SLC14A2: variants seen among roughly 807,000 people sequenced by gnomAD.
SLC14A2 encodes solute carrier family 14 member 2.
A neutral mutation model predicts 104.6 loss-of-function variants in SLC14A2; 91 were observed. The ratio of observed to expected loss-of-function variants is 0.87; its 90% confidence interval spans 0.73 to 1.04. The LOEUF (loss-of-function observed/expected upper bound fraction) is 1.04. SLC14A2 is among the 50% of genes least tolerant of loss of function. The probability of loss-of-function intolerance (pLI) is 0.00; values close to 1 mark genes in which losing one functional copy is unlikely to be tolerated. For synonymous variants in SLC14A2, 476 were observed against 466.4 expected, an observed-to-expected ratio of 1.02 and a Z score of -0.27; for missense variants, 1,189 against 1,156.0, an observed-to-expected ratio of 1.03 and a Z score of -0.41.
intron 2 of SLC14A2, among the ~76,000 whole-genome samples, chr18:45,576,091 T>C (rs1214996020): frequency 6.6e-6 from 1 of 152,104 alleles, no homozygotes; most frequent in East Asian, 1.9e-4. Context: ...ACTCTAATCA[T>C]CTCTCCTGTT....
chr18:45,387,195 T>C (rs2085906872), intron 1 of SLC14A2, among the ~76,000 whole-genome samples: 1 of 152,234 alleles, frequency 6.6e-6, no homozygotes, highest in Non-Finnish European at 1.5e-5. Context: ...TATGGCCATC[T>C]CTTTTTTCTG....
the SLC14A2 span, among the ~76,000 whole-genome samples, chr18:45,192,570 G>A: frequency 6.6e-6 from 1 of 151,780 alleles, no homozygotes; most frequent in Non-Finnish European, 1.5e-5. Context: ...CCAATACTTG[G>A]TATGGTAAGT....
chr18:45,646,459 A>T (rs2045629201), intron 10 of SLC14A2: 1 of 152,228 alleles, frequency 6.6e-6, no homozygotes, highest in Non-Finnish European at 1.5e-5. Flanking sequence ...CCAGAACCAG[A>T]GACCCCACTC....
intron 2 of SLC14A2, among the ~76,000 whole-genome samples, chr18:45,551,413 C>T (rs72904421): frequency 0.099 from 15,141 of 152,292 alleles, 871 homozygotes; most frequent in Non-Finnish European, 0.13. Context: ...CTGCAGCAGA[C>T]TGGGGGCCAA....
At chr18:45,569,894 C>G (rs2044322010) in intron 2 of SLC14A2, among the ~76,000 whole-genome samples, 1 of 152,108 alleles carries the variant, frequency 6.6e-6, no homozygotes, top group Non-Finnish European at 1.5e-5. Flanking sequence ...TGCAGCCTAC[C>G]CCCCTTCATT....
chr18:45,178,874 T>C, the SLC14A2 span, among the ~76,000 whole-genome samples: 1 of 152,192 alleles, frequency 6.6e-6, no homozygotes, highest in South Asian at 2.1e-4. Context: ...TAATAAAATA[T>C]TTTTGAGCTG....
At chr18:45,515,319 G>C (rs898446725) in intron 2 of SLC14A2, 1 of 152,220 alleles carries the variant, frequency 6.6e-6, no homozygotes, top group Non-Finnish European at 1.5e-5. Context: ...TGATTATAGA[G>C]AGTGTAGACA....
rs867687609 is a variant in SLC14A2 at position 45,404,610 on chromosome 18, G to A, written c.-124-78623G>A. Among the ~76,000 whole-genome samples, 14 of 152,150 alleles carry A rather than the reference G, an allele frequency of 9.2e-5. 1 individual carries two copies. The highest frequency in any genetic ancestry group is 3.2e-3 in the Middle Eastern group (1 of 316). On this transcript the variant is annotated intron_variant, in intron 1 of 20. Transcript: ENST00000586448. ...TCTTCCCAAGGCACATACCCCCATC[G>A]CTAGTGAGTCAGTCTCTCAAGGACA... is the stretch of plus-strand genomic sequence containing the variant.
intron 1 of SLC14A2, among the ~76,000 whole-genome samples, chr18:45,478,452 A>G (rs935964096): frequency 6.6e-6 from 1 of 152,190 alleles, no homozygotes; most frequent in Non-Finnish European, 1.5e-5. Flanking sequence ...GCCACTGTCT[A>G]TGATAGTTTG....
intron 1 of SLC14A2, chr18:45,423,786 T>C (rs776196944): frequency 6.6e-6 from 1 of 152,222 alleles, no homozygotes; most frequent in Non-Finnish European, 1.5e-5. Context: ...TTGATATTTA[T>C]TGTCAACAAA....
At chr18:45,305,222 T>C (rs968364135) in intron 1 of SLC14A2, among the ~76,000 whole-genome samples, 2 of 152,160 alleles carry the variant, frequency 1.3e-5, no homozygotes, top group African/African-American at 4.8e-5. Flanking sequence ...AGGCACAAAA[T>C]GGCCTGTGGG....
chr18:45,535,830 C>T (rs2144843779), intron 2 of SLC14A2, among the ~76,000 whole-genome samples: 1 of 152,312 alleles, frequency 6.6e-6, no homozygotes, highest in Admixed American at 6.5e-5. Context: ...TCTTTATCCC[C>T]TAGCCCTAGT....
At chr18:45,475,785 A>G (rs1421360466) in intron 1 of SLC14A2, among the ~76,000 whole-genome samples, 2 of 149,862 alleles carry the variant, frequency 1.3e-5, no homozygotes, top group Admixed American at 1.3e-4. Context: ...CTGTTTTATC[A>G]GAGACTAGGA....
chr18:45,499,821 C>T (rs2043163042), intron 2 of SLC14A2, among the ~76,000 whole-genome samples: 1 of 152,154 alleles, frequency 6.6e-6, no homozygotes, highest in African/African-American at 2.4e-5. Flanking sequence ...CCTCATAGAG[C>T]TAGTCTGAGT....
rs1599080452 is a variant in SLC14A2, at chr18:45,624,897, C to A, written c.150+83C>A. The A allele has an allele frequency of 5.0e-6, 7 of 1,404,134 alleles. No individual in the cohort carries two copies. The East Asian group carries it at 1.6e-4, about 33-fold the overall frequency. 87.0% of individuals were successfully genotyped at this position (1,404,134 alleles called of 1,614,324 possible). A position where few individuals can be genotyped will look rare whatever the true frequency, so the allele number is the denominator to read the frequency against. On this transcript the variant is annotated intron_variant, in intron 2 of 19. Coordinates refer to ENST00000255226, the MANE Select transcript of SLC14A2 (RefSeq NM_007163.4). ...GCAAAAGATGCCGCTTTCCCACCTT[C>A]CCAGTGAACTTAGCACACTGAGGAA...
chr18:45,334,524 C>T (rs554523221), intron 1 of SLC14A2, among the ~76,000 whole-genome samples: 42 of 152,282 alleles, frequency 2.8e-4, no homozygotes, highest in African/African-American at 1.0e-3. Flanking sequence ...GCACTTTTGT[C>T]ACAATAACGT....
the SLC14A2 span, among the ~76,000 whole-genome samples, chr18:45,178,415 A>G: frequency 4.9e-3 from 739 of 152,292 alleles, 2 homozygotes; most frequent in South Asian, 0.02. Context: ...ATAGCAGAAT[A>G]AAAGCACACG....
At chr18:45,448,996 G>A (rs958578401) in intron 1 of SLC14A2, among the ~76,000 whole-genome samples, 1 of 152,228 alleles carries the variant, frequency 6.6e-6, no homozygotes, top group African/African-American at 2.4e-5. Flanking sequence ...AGATGGGCAT[G>A]TGGAGCGGAC....
intron 1 of SLC14A2, among the ~76,000 whole-genome samples, chr18:45,619,660 G>A (rs1197123559): frequency 1.1e-4 from 17 of 152,186 alleles, no homozygotes; most frequent in Admixed American, 1.1e-3. Context: ...TTAATGGACT[G>A]GCGCTGAGCT....
Sources: gnomAD v4.1 joint callset for allele counts (sites outside exome capture counted in the v4.1 genomes callset) on GRCh38, gnomAD v4.1.1 for gene constraint, MANE v1.5 for transcripts, NCBI Gene and HGNC (gene_info 2026-07-23, HGNC 2026-07-21) for gene names.